The following RGS7 variants were observed in gnomAD, a reference collection of about 807,000 sequenced individuals.
The protein encoded by RGS7 is regulator of G protein signaling 7.
RGS7 carries 27 observed loss-of-function variants against 81.1 expected under a neutral mutation model. The observed-to-expected ratio is 0.33, with a 90% CI of 0.25 to 0.46. The LOEUF (loss-of-function observed/expected upper bound fraction) is 0.46, where lower values mean the gene tolerates loss of function less well. Among genes scored for constraint, RGS7 ranks in the 20% least tolerant of loss-of-function variants. The probability of loss-of-function intolerance (pLI) is 1.00; values close to 1 mark genes in which losing one functional copy is unlikely to be tolerated. For missense variants in RGS7, 396 were observed against 607.4 expected (o/e 0.65, Z 3.66); for synonymous variants, 208 against 207.7 (o/e 1.00, Z -0.01).
intron 2 of RGS7, chr1:241,305,648 G>C (rs919055227): frequency 6.5e-6 from 1 of 154,682 alleles, no homozygotes; most frequent in Non-Finnish European, 1.4e-5. Flanking sequence ...CTTTCTCTTG[G>C]GGGGGAAGTG....
intron 2 of RGS7, chr1:241,305,862 C>T: frequency 3.3e-6 from 1 of 307,516 alleles, no homozygotes; most frequent in Non-Finnish European, 6.5e-6. Flanking sequence ...TTGTTGAGGC[C>T]CACGGCCATG....
At chr1:241,215,609 T>C (rs921136115) in intron 2 of RGS7, among the ~76,000 whole-genome samples, 9 of 152,210 alleles carry the variant, frequency 5.9e-5, no homozygotes, top group Non-Finnish European at 1.2e-4. Context: ...ACTTCCTTTC[T>C]GACTCCTCAG....
chr1:240,868,866 C>T lies in RGS7; in HGVS notation c.451-14G>A. 6.2e-7 allele frequency: 1 copy of T among 1,613,130 alleles called. No individual in the cohort carries two copies. Among genetic ancestry groups the T allele is most frequent in the Non-Finnish European group, 8.5e-7 (1 of 1,179,292 alleles). On this transcript the variant is annotated splice_polypyrimidine_tract_variant and intron_variant, in intron 7 of 18. Coordinates refer to ENST00000440928, the MANE Select transcript of RGS7 (RefSeq NM_001364886.1). The surrounding 1 kb of genome is among the most constrained non-coding windows in gnomAD (Gnocchi z 5.1). ...GGCCAGGCTCTCCTGAAAAACATAC[C>T]CCAGGTGAAGACATTTGGTGTTCAT...
chr1:241,302,921 C>T (rs1000196082), intron 2 of RGS7, among the ~76,000 whole-genome samples: 6 of 151,702 alleles, frequency 4.0e-5, no homozygotes, highest in South Asian at 2.1e-4. Context: ...TTATCACGTC[C>T]GGTAGCGGTT....
At chr1:241,198,656 T>A (rs550724163) in intron 2 of RGS7, among the ~76,000 whole-genome samples, 80 of 152,282 alleles carry the variant, frequency 5.3e-4, no homozygotes, top group African/African-American at 1.5e-3. Flanking sequence ...ATATGAATAT[T>A]TCTATATTTG....
intron 9 of RGS7, among the ~76,000 whole-genome samples, chr1:240,840,845 A>G (rs918937341): frequency 2.6e-5 from 4 of 152,154 alleles, no homozygotes; most frequent in Non-Finnish European, 5.9e-5. Context: ...TAGGTGCTCA[A>G]TGAATGTTTA....
At chr1:240,997,889 T>G (rs905472018) in intron 3 of RGS7, among the ~76,000 whole-genome samples, 6 of 152,226 alleles carry the variant, frequency 3.9e-5, no homozygotes, top group African/African-American at 1.4e-4. Flanking sequence ...CATGTTTGCT[T>G]ACCACGTTTT....
At chr1:240,914,890 C>T (rs1294981060) in intron 6 of RGS7, among the ~76,000 whole-genome samples, 1 of 152,152 alleles carries the variant, frequency 6.6e-6, no homozygotes, top group African/African-American at 2.4e-5. Flanking sequence ...CCTAGAGTAA[C>T]AGAAACCTTT....
intron 2 of RGS7, among the ~76,000 whole-genome samples, chr1:241,117,651 A>T (rs2065965122): frequency 6.6e-6 from 1 of 152,220 alleles, no homozygotes; most frequent in East Asian, 1.9e-4. Flanking sequence ...TTGTTTGCAG[A>T]GCGGTATCTG....
intron 2 of RGS7, among the ~76,000 whole-genome samples, chr1:241,316,123 T>C (rs575325194): frequency 5.4e-4 from 82 of 152,290 alleles, no homozygotes; most frequent in African/African-American, 1.9e-3. Flanking sequence ...AGCAATCAAT[T>C]CTTGAGCAGA....
chr1:241,071,559 T>C (rs1383523468), intron 3 of RGS7, among the ~76,000 whole-genome samples: 4 of 151,496 alleles, frequency 2.6e-5, no homozygotes, highest in Non-Finnish European at 4.4e-5. Context: ...TATTCTCTGA[T>C]CTTTAGTCAC....
At chr1:240,835,468 G>C (rs1694570607) in intron 9 of RGS7, among the ~76,000 whole-genome samples, 1 of 152,222 alleles carries the variant, frequency 6.6e-6, no homozygotes, top group African/African-American at 2.4e-5. Flanking sequence ...TGGAGCCACA[G>C]AGATTCTCAT....
intron 6 of RGS7, among the ~76,000 whole-genome samples, chr1:240,894,272 G>A (rs1668695746): frequency 6.6e-6 from 1 of 152,100 alleles, no homozygotes; most frequent in Non-Finnish European, 1.5e-5. Context: ...TCTATTGGCA[G>A]ACTTTACATT....
intron 2 of RGS7, among the ~76,000 whole-genome samples, chr1:241,309,000 G>C (rs1033920360): frequency 6.6e-6 from 1 of 152,208 alleles, no homozygotes; most frequent in Non-Finnish European, 1.5e-5. Flanking sequence ...ATGGCCAAAA[G>C]AGGAACACAC....
In RGS7 at chr1:241,322,489, T is replaced by C. The variant is rs149310568; in HGVS notation, c.78+33210A>G. Among the ~76,000 whole-genome samples the C allele has an allele frequency of 8.7e-3, 1,333 of 152,366 alleles. 18 individuals are homozygous for C. The highest frequency in any genetic ancestry group is 0.031 in the African/African-American group (1,281 of 41,594). On this transcript the variant is annotated intron_variant, in intron 2 of 18. Coordinates refer to ENST00000440928, the MANE Select transcript of RGS7 (RefSeq NM_001364886.1). ...CTAATAGCAGCTTATCTGCCACTTA[T>C]TTGATTCTCATATAAAGAAAGAGTA...
intron 9 of RGS7, among the ~76,000 whole-genome samples, chr1:240,833,924 G>A (rs962486694): frequency 2.0e-5 from 3 of 152,054 alleles, no homozygotes; most frequent in African/African-American, 7.2e-5. Context: ...GGTACTACAG[G>A]TGAGTGCCAC....
chr1:241,226,934 T>C (rs1304767011), intron 2 of RGS7, among the ~76,000 whole-genome samples: 1 of 152,244 alleles, frequency 6.6e-6, no homozygotes, highest in Non-Finnish European at 1.5e-5. Flanking sequence ...ATGCTTTCAT[T>C]AAAAATTCTC....
At chr1:241,032,213 A>T (rs2060115425) in intron 3 of RGS7, among the ~76,000 whole-genome samples, 1 of 152,198 alleles carries the variant, frequency 6.6e-6, no homozygotes, top group South Asian at 2.1e-4. Flanking sequence ...ATTTTCTAGC[A>T]CCATTTATTG....
At position 241,027,434 on chromosome 1, in the gene RGS7, G is replaced by C. The variant is rs75147897; in HGVS notation, c.176-44305C>G. Among the ~76,000 whole-genome samples, 571 of 152,292 alleles carry C rather than the reference G, an allele frequency of 3.7e-3. 3 individuals carry two copies. The highest frequency in any genetic ancestry group is 0.013 in the African/African-American group (528 of 41,568). On this transcript the variant is annotated intron_variant, in intron 3 of 18. Coordinates refer to ENST00000440928, the MANE Select transcript of RGS7 (RefSeq NM_001364886.1). ...CTTAAGTAGGGGAATAATGTGATGTGATTTGCATTTTTAAAAGATGACTTT... is the reference window on the plus strand; with the variant it reads ...CTTAAGTAGGGGAATAATGTGATGTCATTTGCATTTTTAAAAGATGACTTT...
Sources: allele counts gnomAD v4.1 joint callset (sites outside exome capture counted in the v4.1 genomes callset), GRCh38; gene constraint gnomAD v4.1.1; non-coding constraint Gnocchi (gnomAD v3.1); transcripts MANE v1.5; gene names NCBI Gene and HGNC (gene_info 2026-07-23, HGNC 2026-07-21).